The following EWSR1 variants were observed in gnomAD, a reference collection of about 807,000 sequenced individuals.
EWSR1 encodes EWS RNA binding protein 1.
EWSR1 carries 14 observed loss-of-function variants against 92.1 expected under a neutral mutation model. The observed-to-expected ratio is 0.15, with a 90% confidence interval of 0.10 to 0.24. EWSR1 has a LOEUF of 0.24. Ranked by LOEUF, EWSR1 falls within the 10% of genes least tolerant of loss-of-function variation. The pLI, the probability that EWSR1 is intolerant of heterozygous loss-of-function variation, is 1.00. For synonymous variants in EWSR1, 303 were observed against 292.9 expected, an observed-to-expected ratio of 1.03 and a Z score of -0.35; for missense variants, 637 against 870.9, an observed-to-expected ratio of 0.73 and a Z score of 3.38.
chr22:29,274,153 C>T, intron 4 of EWSR1: 1 of 1,168,674 alleles, frequency 8.6e-7, no homozygotes, highest in Non-Finnish European at 1.3e-6. Context: ...AATGCTAATA[C>T]TGAGTAAGAA....
At chr22:29,276,402 A>G (rs2059128728) in intron 4 of EWSR1, 1 of 223,324 alleles carries the variant, frequency 4.5e-6, no homozygotes, top group Admixed American at 5.8e-5. Context: ...TGACAAGGAC[A>G]TTACTATCTC....
intron 9 of EWSR1, 64 bp from the exon 10 acceptor site, chr22:29,292,073 G>A: frequency 7.0e-7 from 1 of 1,430,922 alleles, no homozygotes; most frequent in Non-Finnish European, 9.9e-7. Flanking sequence ...ATGTGTGTTT[G>A]TAAGGTTTGT....
intron 14 of EWSR1, 126 bp from the exon 15 acceptor site, chr22:29,299,108 T>G: frequency 6.4e-7 from 1 of 1,556,532 alleles, no homozygotes; most frequent in South Asian, 1.2e-5. Context: ...CCTGAGGCTG[T>G]GCCCTAAAGC....
intron 8 of EWSR1, chr22:29,290,683 AAG>A (rs1286060340): frequency 1.5e-5 from 20 of 1,362,718 alleles, no homozygotes; most frequent in Admixed American, 3.3e-5. Context: ...TTTGTGTTTA[AAG>A]AGAGAGAACA....
chr22:29,291,495 C>T (rs1284273234), intron 8 of EWSR1, 67 bp from the exon 9 acceptor site: 4 of 1,518,342 alleles, frequency 2.6e-6, no homozygotes, highest in Non-Finnish European at 3.6e-6. Flanking sequence ...CCACGAGCCC[C>T]CCCAAGGCTC....
chr22:29,291,646 G>A (rs1462323928), intron 9 of EWSR1, 47 bp downstream of exon 9: 9 of 1,546,534 alleles, frequency 5.8e-6, no homozygotes, highest in Non-Finnish European at 7.9e-6. Flanking sequence ...AAAAAATGCA[G>A]TCAGTTTTTA....
chr22:29,297,922 A>C lies in EWSR1; in HGVS notation c.1390A>C (p.Arg464=). 1 of 1,613,994 alleles carries C rather than the reference A, an allele frequency of 6.2e-7. No homozygotes were observed. Among genetic ancestry groups the C allele is most frequent in the Non-Finnish European group, 8.5e-7 (1 of 1,179,936 alleles). The change falls in exon 13 of 17, where the codon AGA becomes CGA. Residue 464 remains arginine (R), a synonymous_variant. Transcript: ENST00000397938. ...MRGGLPPREG[R]GMPPPLRGGP... ...GGGTGGTCTGCCACCCCGTGAGGGCAGAGGCATGCCACCACCACTCCGTGG... is the reference window on the plus strand; with the variant it reads ...GGGTGGTCTGCCACCCCGTGAGGGCCGAGGCATGCCACCACCACTCCGTGG...
chr22:29,274,147 C>G, intron 4 of EWSR1: 4 of 1,127,580 alleles, frequency 3.5e-6, no homozygotes, highest in Non-Finnish European at 5.4e-6. Context: ...TTTGCTAATG[C>G]TAATACTGAG....
At chr22:29,293,127 C>T (rs1468290403) in intron 11 of EWSR1, among the ~76,000 whole-genome samples, 1 of 152,156 alleles carries the variant, frequency 6.6e-6, no homozygotes, top group Non-Finnish European at 1.5e-5. Flanking sequence ...CCCACCACAG[C>T]CTCTTGAGGT....
chr22:29,283,041 C>T (rs1395889102), intron 6 of EWSR1, among the ~76,000 whole-genome samples: 1 of 152,192 alleles, frequency 6.6e-6, no homozygotes, highest in African/African-American at 2.4e-5. Flanking sequence ...GGATTACAGG[C>T]GTGAGCCACC....
In EWSR1 at chr22:29,297,853, A is replaced by G. The variant is rs2147784207; in HGVS notation, c.1321A>G (p.Lys441Glu). The stretch of plus-strand genomic sequence containing the variant: ...GAAAGATTTTCAAGGGAGCAAACTT[A>G]AAGTCTCCCTTGCTCGGAAGAAGCC... ...DGKDFQGSKL[K>E]VSLARKKPPM... is the part of the protein sequence containing the mutation. Residue 441 changes from lysine (K) to glutamate (E), a missense_variant, in exon 13 of 17, where the codon AAA becomes GAA. This residue lies in a region of EWSR1 where 363 missense variants were observed against 447.8 expected (regional missense o/e 0.81). Transcript: ENST00000397938. 1 of 1,614,022 alleles carries G rather than the reference A, an allele frequency of 6.2e-7. No homozygotes were observed. Among genetic ancestry groups the G allele is most frequent in the East Asian group, 2.2e-5 (1 of 44,874 alleles).
Position 29,295,712 on chromosome 22 carries a change from G to A in EWSR1, c.1165-527G>A, listed in dbSNP as rs2060806861. 6 of 216,690 alleles carry A rather than the reference G, an allele frequency of 2.8e-5. No homozygotes were observed. The East Asian group carries it at 3.9e-4, about 14-fold the overall frequency. 13.4% of individuals were successfully genotyped at this position (216,690 alleles called of 1,614,324 possible). A position where few individuals can be genotyped will look rare whatever the true frequency, so the allele number is the denominator to read the frequency against. On this transcript the variant is annotated intron_variant, in intron 11 of 16. Coordinates refer to ENST00000397938, the MANE Select transcript of EWSR1 (RefSeq NM_005243.4). ...ACACGTGAAGATATTCTTATACAAG[G>A]TAGCTCCTGAATTCAAGTCAACCAC...
Position 29,298,829 on chromosome 22 carries a change from C to A in EWSR1, c.1514C>A (p.Ser505Tyr). ...TTCCCTCCAAGAGGACCCCGGGGTTCCCGAGGGAACCCCTCTGGAGGAGGA... is the reference window on the plus strand; with the variant it reads ...TTCCCTCCAAGAGGACCCCGGGGTTACCGAGGGAACCCCTCTGGAGGAGGA... Reference protein sequence around the residue: ...GGFPPRGPRGSRGNPSGGGNV... With the variant: ...GGFPPRGPRGYRGNPSGGGNV... The change falls in exon 14 of 17, where the codon TCC (serine) becomes TAC (tyrosine). Residue 505 changes from serine (S) to tyrosine (Y), a missense_variant. This residue lies in a region of EWSR1 where 363 missense variants were observed against 447.8 expected (regional missense o/e 0.81). Transcript: ENST00000397938. 3 of 1,595,768 alleles carry A rather than the reference C, an allele frequency of 1.9e-6. No homozygotes were observed. Among genetic ancestry groups the A allele is most frequent in the Non-Finnish European group, 2.6e-6 (3 of 1,174,724 alleles).
At chr22:29,290,557 G>A in intron 8 of EWSR1, 1 of 1,549,102 alleles carries the variant, frequency 6.5e-7, no homozygotes, top group Non-Finnish European at 8.7e-7. Context: ...TTAACAAAAT[G>A]TATTCATTGT....
At chr22:29,275,914 CTTTTG>C (rs2059075607) in intron 4 of EWSR1, 1 of 221,314 alleles carries the variant, frequency 4.5e-6, no homozygotes, top group African/African-American at 2.4e-5. Context: ...TGCCACTGGT[CTTTTG>C]TTTTTTTGTT....
intron 6 of EWSR1, 104 bp downstream of exon 6, chr22:29,282,661 C>A: frequency 1.1e-6 from 1 of 940,210 alleles, no homozygotes; most frequent in Non-Finnish European, 1.5e-6. Context: ...TGTTATCTGA[C>A]TGTCGCAGTG....
At chr22:29,298,976 G>T (rs1639157751) in intron 14 of EWSR1, 81 bp downstream of exon 14, 6 of 1,422,270 alleles carry the variant, frequency 4.2e-6, no homozygotes, top group Non-Finnish European at 4.7e-6. Context: ...AGAGTGGATT[G>T]CTCTGTCTAG....
intron 4 of EWSR1, chr22:29,276,206 C>T (rs1046274105): frequency 6.1e-5 from 14 of 229,896 alleles, no homozygotes; most frequent in Admixed American, 1.1e-4. Context: ...GGTATATGAA[C>T]GGTAGGGTAG....
At chr22:29,280,882 TTTTTTTTTTTTTTTTTTG>T (rs1164639774) in intron 5 of EWSR1, among the ~76,000 whole-genome samples, 18 of 118,410 alleles carry the variant, frequency 1.5e-4, no homozygotes, top group Middle Eastern at 4.1e-3. Flanking sequence ...TTTTTTTTTT[TTTTTTTTTTTTTTTTTTG>T]ACAGAGTCTT....
Sources: allele counts gnomAD v4.1 joint callset (sites outside exome capture counted in the v4.1 genomes callset), GRCh38; gene constraint gnomAD v4.1.1; regional missense constraint gnomAD v4.1.1; transcripts MANE v1.5; gene names NCBI Gene and HGNC (gene_info 2026-07-23, HGNC 2026-07-21).